The following PARD6G variants were observed in gnomAD, a reference collection of about 807,000 sequenced individuals.
PARD6G encodes the protein partitioning defective 6 homolog gamma.
PARD6G carries 7 observed loss-of-function variants against 10.7 expected under a neutral mutation model. That is an observed-to-expected ratio of 0.66 (90% CI 0.37 to 1.23). The LOEUF is 1.23. Ranked by LOEUF, PARD6G falls within the 50% of genes most tolerant of loss-of-function variation. The probability of loss-of-function intolerance (pLI) is 0.02; values close to 1 mark genes in which losing one functional copy is unlikely to be tolerated. For missense variants in PARD6G, 548 were observed against 571.8 expected (o/e 0.96, Z 0.42); for synonymous variants, 287 against 269.4 (o/e 1.07, Z -0.64).
At chr18:80,224,574 G>T (rs1343780481) in intron 1 of PARD6G, among the ~76,000 whole-genome samples, 3 of 152,202 alleles carry the variant, frequency 2.0e-5, no homozygotes, top group African/African-American at 7.2e-5. Flanking sequence ...AAGGCCGGGT[G>T]CGGTGGCTCA....
intron 2 of PARD6G, among the ~76,000 whole-genome samples, chr18:80,176,295 T>A (rs1239628158): frequency 1.3e-5 from 2 of 152,246 alleles, no homozygotes; most frequent in African/African-American, 4.8e-5. Flanking sequence ...CTTGTGTCTC[T>A]ACCTGAAAGA....
chr18:80,230,573 C>T (rs766311091), intron 1 of PARD6G, among the ~76,000 whole-genome samples: 12 of 152,196 alleles, frequency 7.9e-5, no homozygotes, highest in East Asian at 1.9e-4. Flanking sequence ...ACTGCCCAGA[C>T]GAGCATCATG....
intron 1 of PARD6G, among the ~76,000 whole-genome samples, chr18:80,235,140 G>A (rs2145304340): frequency 6.6e-6 from 1 of 152,230 alleles, no homozygotes; most frequent in East Asian, 1.9e-4. Context: ...TAAAAGAATA[G>A]AAATTATAAC....
At chr18:80,208,212 C>T (rs1389376270) in intron 1 of PARD6G, among the ~76,000 whole-genome samples, 1 of 152,150 alleles carries the variant, frequency 6.6e-6, no homozygotes, top group Admixed American at 6.5e-5. Flanking sequence ...TTACAGCATG[C>T]TGTAAATTAC....
At position 80,190,735 on chromosome 18, in the gene PARD6G, G is replaced by A. The variant is rs572444058; in HGVS notation, c.295+11975C>T. ...AGGAGTGGAGGGCAGGCGGGCAGCT[G>A]TTGGGGGCTTAGGAAGCCTACAGAG... On this transcript the variant is annotated intron_variant, in intron 2 of 2. Coordinates refer to ENST00000353265, the MANE Select transcript of PARD6G (RefSeq NM_032510.4). 4.3e-4 allele frequency among the ~76,000 whole-genome samples: 65 copies of A among 152,176 alleles called. 1 individual carries two copies. The highest frequency in any genetic ancestry group is 7.8e-4 in the Non-Finnish European group (53 of 68,036).
chr18:80,160,507 A>G lies in PARD6G; in HGVS notation c.395T>C (p.Leu132Pro), dbSNP rs1402299695. The change falls in exon 3 of 3, where the codon CTG becomes CCG. Residue 132 changes from leucine (L) to proline (P), a missense_variant. By Grantham distance (98) the Leu-to-Pro change is moderately conservative. Transcript: ENST00000353265. ...GAAGTCGCGCGGGAGGCCGATGTCCAGGTGTGCACGCCGCCGGGGTCCTTC... is the reference window on the plus strand; with the variant it reads ...GAAGTCGCGCGGGAGGCCGATGTCCGGGTGTGCACGCCGCCGGGGTCCTTC... ...RDEGPRRRAH[L>P]DIGLPRDFRP... is the part of the protein sequence containing the mutation. 5 of 1,536,842 alleles carry G rather than the reference A, an allele frequency of 3.3e-6. No homozygotes were observed. The highest frequency in any genetic ancestry group is 3.5e-6 in the Non-Finnish European group (4 of 1,141,516).
chr18:80,211,163 A>G (rs561150982), intron 1 of PARD6G, among the ~76,000 whole-genome samples: 1 of 152,208 alleles, frequency 6.6e-6, no homozygotes, highest in South Asian at 2.1e-4. Flanking sequence ...CTCTGCAGCT[A>G]TTTATATTTC....
At chr18:80,218,068 C>T (rs1327243689) in intron 1 of PARD6G, among the ~76,000 whole-genome samples, 1 of 152,100 alleles carries the variant, frequency 6.6e-6, no homozygotes, top group African/African-American at 2.4e-5. Flanking sequence ...ATTATAGGAA[C>T]TACAATTCAA....
rs1465048819 is a variant in PARD6G, at chr18:80,159,930, G to C, written c.972C>G (p.Ser324=). 1 of 1,506,862 alleles carries C rather than the reference G, an allele frequency of 6.6e-7. No individual in the cohort carries two copies. Among genetic ancestry groups the C allele is most frequent in the South Asian group, 1.3e-5 (1 of 78,540 alleles). The allele number at this position is 1,506,862 out of a possible 1,614,324, so 93.3% of individuals were successfully genotyped here. The part of the protein sequence containing the change: ...QTPGAPAGSL[S]RVNGAGLAQR... Reference sequence around the variant, plus strand: ...GCGCCAGGCCCGCGCCATTGACCCGGGAGAGGCTGCCTGCGGGCGCGCCCG... The same window carrying C: ...GCGCCAGGCCCGCGCCATTGACCCGCGAGAGGCTGCCTGCGGGCGCGCCCG... Residue 324 remains serine (S), a synonymous_variant, in exon 3 of 3, where the codon TCC becomes TCG. Coordinates refer to ENST00000353265, the MANE Select transcript of PARD6G (RefSeq NM_032510.4).
At chr18:80,160,867 G>A (rs1396539695) in intron 2 of PARD6G, among the ~76,000 whole-genome samples, 1 of 152,242 alleles carries the variant, frequency 6.6e-6, no homozygotes, top group East Asian at 1.9e-4. Flanking sequence ...GCAGGCAGCT[G>A]CAGCAGAGAG....
chr18:80,222,931 C>T (rs938373741), intron 1 of PARD6G, among the ~76,000 whole-genome samples: 1 of 152,292 alleles, frequency 6.6e-6, no homozygotes, highest in Non-Finnish European at 1.5e-5. Context: ...CTGCCTCAGC[C>T]TCCCAAAGTG....
At chr18:80,242,837 T>G (rs554470673) in intron 1 of PARD6G, among the ~76,000 whole-genome samples, 31 of 151,984 alleles carry the variant, frequency 2.0e-4, no homozygotes, top group Non-Finnish European at 3.7e-4. Flanking sequence ...ATTAAAACAA[T>G]GGGATACCAT....
chr18:80,166,724 T>A (rs1452888815), intron 2 of PARD6G, among the ~76,000 whole-genome samples: 1 of 151,670 alleles, frequency 6.6e-6, no homozygotes, highest in Admixed American at 6.6e-5. Context: ...TCACTCCCCA[T>A]GTCCACCTTC....
At chr18:80,224,711 A>T (rs373747444) in intron 1 of PARD6G, among the ~76,000 whole-genome samples, 1 of 152,056 alleles carries the variant, frequency 6.6e-6, no homozygotes, top group Non-Finnish European at 1.5e-5. Flanking sequence ...GCCGGGCGTG[A>T]TGGCGGGCGC....
chr18:80,202,478 ATAT>A (rs1254667085), intron 2 of PARD6G: 1 of 455,092 alleles, frequency 2.2e-6, no homozygotes, highest in African/African-American at 2.0e-5. Flanking sequence ...GGAAGTATCA[ATAT>A]TATTCTTTCT....
Position 80,247,436 on chromosome 18 carries a change from C to T in PARD6G, c.-88G>A. 1 of 959,316 alleles carries T rather than the reference C, an allele frequency of 1.0e-6. No homozygotes were observed. Among genetic ancestry groups the T allele is most frequent in the South Asian group, 3.1e-5 (1 of 32,218 alleles). 59.4% of individuals were successfully genotyped at this position (959,316 alleles called of 1,614,324 possible). ...GGGGGCGGCGCCCCCAGGCCCCGGC[C>T]CCGGCCCCGGCCCGCGCTCGCTTGG... On this transcript the variant is annotated 5_prime_UTR_variant, in exon 1 of 3. Transcript: ENST00000353265. The surrounding 1 kb of genome is among the most constrained non-coding windows in gnomAD (Gnocchi z 4.2).
At position 80,161,770 on chromosome 18, in the gene PARD6G, C is replaced by T. The variant is rs1042665927; in HGVS notation, c.296-1164G>A. ...GCTTTGCCAGTGAAAGCCAGTAGGA[C>T]CGGGAGCCCAGGCAGAAGCAATGCC... On this transcript the variant is annotated intron_variant, in intron 2 of 2. Coordinates refer to ENST00000353265, the MANE Select transcript of PARD6G (RefSeq NM_032510.4). This position sits in a 1 kb window ranked among gnomAD's most constrained non-coding sequence, Gnocchi z 4.6. The T allele has an allele frequency of 6.6e-6, 1 of 152,140 alleles. No homozygotes were observed. Among genetic ancestry groups the T allele is most frequent in the African/African-American group, 2.4e-5 (1 of 41,404 alleles). The allele number at this position is 152,140 out of a possible 1,614,324, so 9.4% of individuals were successfully genotyped here.
At chr18:80,164,122 CCTG>C (rs1470863027) in intron 2 of PARD6G, among the ~76,000 whole-genome samples, 1 of 152,222 alleles carries the variant, frequency 6.6e-6, no homozygotes, top group Non-Finnish European at 1.5e-5. Context: ...AACTACCCCA[CCTG>C]CTGCACCCCA....
chr18:80,163,932 C>T (rs926214176), intron 2 of PARD6G, among the ~76,000 whole-genome samples: 8 of 152,196 alleles, frequency 5.3e-5, no homozygotes, highest in African/African-American at 1.9e-4. Context: ...ACCGGAGAAG[C>T]AACATGGCAG....
Sources: gnomAD v4.1 joint callset for allele counts (sites outside exome capture counted in the v4.1 genomes callset) on GRCh38, gnomAD v4.1.1 for gene constraint, Gnocchi (gnomAD v3.1) non-coding constraint, MANE v1.5 for transcripts, NCBI Gene and HGNC (gene_info 2026-07-23, HGNC 2026-07-21) for gene names.